SERPINE2: variants seen among roughly 807,000 people sequenced by gnomAD.
SERPINE2 encodes the protein serpin family E member 2.
SERPINE2 carries 14 observed loss-of-function variants against 36.3 expected under a neutral mutation model. The ratio of observed to expected loss-of-function variants is 0.39; its 90% confidence interval spans 0.25 to 0.60. SERPINE2 has a LOEUF of 0.60. Ranked by LOEUF, SERPINE2 falls within the 20% of genes least tolerant of loss-of-function variation. The probability of loss-of-function intolerance (pLI) is 0.57; values close to 1 mark genes in which losing one functional copy is unlikely to be tolerated. For synonymous variants in SERPINE2, 192 were observed against 191.8 expected (o/e 1.00, Z -0.01); for missense variants, 418 against 499.6 (o/e 0.84, Z 1.56).
intron 1 of SERPINE2, among the ~76,000 whole-genome samples, chr2:224,025,085 A>C (rs1040152206): frequency 2.0e-5 from 3 of 151,984 alleles, no homozygotes; most frequent in African/African-American, 7.3e-5. Context: ...CATTTCACAG[A>C]CTCTTACACA....
intron 1 of SERPINE2, among the ~76,000 whole-genome samples, chr2:224,002,459 T>C (rs1260284814): frequency 6.6e-6 from 1 of 152,112 alleles, no homozygotes; most frequent in African/African-American, 2.4e-5. Context: ...CCAGGTCCTA[T>C]ACTAATCATT....
At chr2:224,034,386 A>C (rs1255047183) in intron 1 of SERPINE2, among the ~76,000 whole-genome samples, 1 of 152,170 alleles carries the variant, frequency 6.6e-6, no homozygotes, top group Non-Finnish European at 1.5e-5. Context: ...CAGAAGGAGC[A>C]AAGGCAGAAA....
chr2:224,015,574 C>T (rs1402169984), intron 1 of SERPINE2, among the ~76,000 whole-genome samples: 2 of 152,332 alleles, frequency 1.3e-5, no homozygotes, highest in East Asian at 3.9e-4. Flanking sequence ...AACTCTGTGT[C>T]CATGACTCCA....
intron 1 of SERPINE2, among the ~76,000 whole-genome samples, chr2:224,003,676 GA>G (rs1394291214): frequency 1.1e-4 from 17 of 152,150 alleles, no homozygotes; most frequent in African/African-American, 4.1e-4. Context: ...TGTATTTATG[GA>G]AAAGCAAATA....
intron 2 of SERPINE2, among the ~76,000 whole-genome samples, chr2:223,998,596 T>C (rs970657077): frequency 6.6e-6 from 1 of 151,996 alleles, no homozygotes; most frequent in African/African-American, 2.4e-5. Flanking sequence ...ACGCCTGTGA[T>C]ACCAACTACT....
At chr2:224,008,599 C>A (rs1040343958) in intron 1 of SERPINE2, among the ~76,000 whole-genome samples, 1 of 152,252 alleles carries the variant, frequency 6.6e-6, no homozygotes, top group Non-Finnish European at 1.5e-5. Flanking sequence ...TACAACCCTA[C>A]AGTCTTGTTA....
chr2:224,035,292 A>C (rs1022827134), intron 1 of SERPINE2, among the ~76,000 whole-genome samples: 1 of 152,138 alleles, frequency 6.6e-6, no homozygotes, highest in African/African-American at 2.4e-5. Flanking sequence ...AAAGCAACCT[A>C]CCTCCAGTGT....
intron 1 of SERPINE2, among the ~76,000 whole-genome samples, chr2:224,019,010 A>G (rs1438830): frequency 0.94 from 143,763 of 152,200 alleles, 68,254 homozygotes; most frequent in Non-Finnish European, 0.99. Context: ...AAAATTCAGC[A>G]CCCTCTCTCC....
intron 1 of SERPINE2, among the ~76,000 whole-genome samples, chr2:224,027,395 C>A (rs895154849): frequency 1.3e-5 from 2 of 152,132 alleles, no homozygotes; most frequent in Non-Finnish European, 2.9e-5. Flanking sequence ...AGACTGCTCT[C>A]CTGGTGTCCT....
intron 1 of SERPINE2, among the ~76,000 whole-genome samples, chr2:224,023,943 T>A (rs1023184496): frequency 6.6e-6 from 1 of 152,228 alleles, no homozygotes; most frequent in African/African-American, 2.4e-5. Flanking sequence ...GTGTAACTTT[T>A]TGGCATGAAT....
At chr2:224,017,386 T>C (rs1158705977) in intron 1 of SERPINE2, among the ~76,000 whole-genome samples, 1 of 152,216 alleles carries the variant, frequency 6.6e-6, no homozygotes, top group Non-Finnish European at 1.5e-5. Flanking sequence ...ACAGATCTTT[T>C]TATTTCTTAC....
At chr2:224,019,317 G>A (rs1290822017) in intron 1 of SERPINE2, among the ~76,000 whole-genome samples, 2 of 152,150 alleles carry the variant, frequency 1.3e-5, no homozygotes, top group African/African-American at 2.4e-5. Flanking sequence ...TTATTGGAAT[G>A]TGATGTCTCT....
At chr2:224,036,390 C>T (rs1296127382) in intron 1 of SERPINE2, among the ~76,000 whole-genome samples, 5 of 147,882 alleles carry the variant, frequency 3.4e-5, no homozygotes, top group Non-Finnish European at 5.9e-5. Flanking sequence ...TCAAATGCCA[C>T]GGAGAAACCT....
At chr2:224,000,856 T>C (rs1053059114) in intron 2 of SERPINE2, among the ~76,000 whole-genome samples, 1 of 152,224 alleles carries the variant, frequency 6.6e-6, no homozygotes, top group Non-Finnish European at 1.5e-5. Context: ...TGCAAGGACA[T>C]GAACTCACTC....
At chr2:224,035,384 G>GTTTTTGT (rs77178414) in intron 1 of SERPINE2, among the ~76,000 whole-genome samples, 4 of 91,278 alleles carry the variant, frequency 4.4e-5, no homozygotes, top group Non-Finnish European at 1.0e-4. Context: ...TTTTTGTTTT[G>GTTTTTGT]TTTTTGTTTT....
intron 1 of SERPINE2, among the ~76,000 whole-genome samples, chr2:224,008,359 G>A (rs951884739): frequency 6.6e-6 from 1 of 152,172 alleles, no homozygotes; most frequent in Non-Finnish European, 1.5e-5. Context: ...CTACTTGGTT[G>A]CCCTGAGGTT....
chr2:224,001,331 C>T (rs915221368), intron 2 of SERPINE2, among the ~76,000 whole-genome samples: 2 of 152,186 alleles, frequency 1.3e-5, no homozygotes, highest in Admixed American at 6.5e-5. Context: ...CAACCCTGGG[C>T]GCCATGGAGG....
At chr2:224,015,626 G>A (rs994565301) in intron 1 of SERPINE2, among the ~76,000 whole-genome samples, 5 of 152,206 alleles carry the variant, frequency 3.3e-5, no homozygotes, top group African/African-American at 9.6e-5. Context: ...GAACCCAACC[G>A]GACAGAAACT....
intron 4 of SERPINE2, among the ~76,000 whole-genome samples, chr2:223,986,331 C>T (rs1690428270): frequency 6.6e-6 from 1 of 152,146 alleles, no homozygotes. Flanking sequence ...TGTTCAGTAA[C>T]CCGGGTGCAG....
Sources: gnomAD v4.1 joint callset for allele counts (sites outside exome capture counted in the v4.1 genomes callset) on GRCh38, gnomAD v4.1.1 for gene constraint, MANE v1.5 for transcripts, NCBI Gene and HGNC (gene_info 2026-07-23, HGNC 2026-07-21) for gene names.